Variants in DENND2A observed in about 807,000 individuals in gnomAD.
DENND2A encodes DENN domain-containing protein 2A.
In DENND2A, 53 loss-of-function variants were observed where a neutral mutation model predicts 105.3. The observed-to-expected ratio is 0.50, with a 90% CI of 0.40 to 0.63. The LOEUF (loss-of-function observed/expected upper bound fraction) is 0.63, where lower values mean the gene tolerates loss of function less well. Ranked by LOEUF, DENND2A falls within the 30% of genes least tolerant of loss-of-function variation. DENND2A has a pLI of 0.00. For missense variants in DENND2A, 1,138 were observed against 1,279.6 expected (o/e 0.89, Z 1.69); for synonymous variants, 522 against 508.4 (o/e 1.03, Z -0.36).
chr7:140,558,237 A>G, intron 10 of DENND2A, 25 bp from the exon 11 acceptor site: 1 of 1,596,762 alleles, frequency 6.3e-7, no homozygotes, highest in Non-Finnish European at 8.6e-7. Flanking sequence ...ACACAAATGT[A>G]TCATAAAGCA....
chr7:140,618,818 T>G (rs1403480597), intron 1 of DENND2A, among the ~76,000 whole-genome samples: 1 of 152,182 alleles, frequency 6.6e-6, no homozygotes, highest in Admixed American at 6.5e-5. Context: ...TTTTTTCTTT[T>G]TCTGAGACGG....
At chr7:140,570,906 C>G (rs1233631245) in intron 6 of DENND2A, among the ~76,000 whole-genome samples, 1 of 152,216 alleles carries the variant, frequency 6.6e-6, no homozygotes, top group African/African-American at 2.4e-5. Context: ...GCGTGAGAAG[C>G]TGGTGAGTGC....
Position 140,519,703 on chromosome 7 carries a change from C to G in DENND2A, c.2927G>C (p.Arg976Pro). The change falls in exon 19 of 20, where the codon CGA becomes CCA. Residue 976 changes from arginine (R) to proline (P), a missense_variant. Physicochemically the swap from Arg to Pro is moderately radical, Grantham distance 103 (BLOSUM62 -2). Transcript: ENST00000496613. ...RQDAKGLFEV[R>P]AQEYLETLPS... is the part of the protein sequence containing the mutation. Reference sequence around the variant, plus strand: ...GAGTGTTTCCAGATACTCTTGGGCTCGGACCTCAAACAGACCTGTTAACAA... The same window carrying G: ...GAGTGTTTCCAGATACTCTTGGGCTGGGACCTCAAACAGACCTGTTAACAA... 6.2e-7 allele frequency: 1 copy of G among 1,614,088 alleles called. No homozygotes were observed. Among genetic ancestry groups the G allele is most frequent in the Non-Finnish European group, 8.5e-7 (1 of 1,180,004 alleles).
At position 140,573,811 on chromosome 7, in the gene DENND2A, G is replaced by T. The variant is rs542601234; in HGVS notation, c.1443C>A (p.Pro481=). 10 of 1,613,308 alleles carry T rather than the reference G, an allele frequency of 6.2e-6. No individual in the cohort carries two copies. Among genetic ancestry groups the T allele is most frequent in the Admixed American group, 1.7e-5 (1 of 59,942 alleles). The change falls in exon 6 of 20, where the codon CCC becomes CCA. Residue 481 remains proline, a synonymous_variant. Coordinates refer to ENST00000496613, the MANE Select transcript of DENND2A (RefSeq NM_015689.5). ...PQNGRKKRKI[P]KLVLRINAIY... ...TGAAGCTTGTTGCCACCATTACCTT[G>T]GGTATCTTTCTCTTCTTCCTGCCGT...
intron 14 of DENND2A, among the ~76,000 whole-genome samples, chr7:140,532,750 T>C (rs1044487572): frequency 2.6e-5 from 4 of 152,088 alleles, no homozygotes; most frequent in African/African-American, 4.8e-5. Flanking sequence ...CCAGGCACAG[T>C]GGCATGTGCC....
At position 140,601,463 on chromosome 7, in the gene DENND2A, G is replaced by T. The variant is rs759258670; in HGVS notation, c.935C>A (p.Pro312Gln). 11 of 1,613,662 alleles carry T rather than the reference G, an allele frequency of 6.8e-6. No individual in the cohort carries two copies. Among genetic ancestry groups the T allele is most frequent in the South Asian group, 1.1e-5 (1 of 90,984 alleles). Residue 312 changes from proline to glutamine, a missense_variant, in exon 3 of 20, where the codon CCA becomes CAA. By Grantham distance (76) the Pro-to-Gln change is moderately conservative. Coordinates refer to ENST00000496613, the MANE Select transcript of DENND2A (RefSeq NM_015689.5). The stretch of plus-strand genomic sequence containing the variant: ...CAGTCTTCTGTTCACAGAGGAAGGT[G>T]GGGGAGAGGAGGGCAGAGGCGGGGG... ...LPPPPLPSSP[P>Q]PSSVNRRLWT...
chr7:140,553,907 AC>A (rs1256796137), intron 12 of DENND2A, among the ~76,000 whole-genome samples: 17 of 152,304 alleles, frequency 1.1e-4, no homozygotes, highest in African/African-American at 3.9e-4. Flanking sequence ...CTACACAGAC[AC>A]AGTAACAGTC....
intron 5 of DENND2A, among the ~76,000 whole-genome samples, chr7:140,584,876 G>A (rs575754677): frequency 7.2e-5 from 11 of 152,208 alleles, no homozygotes; most frequent in African/African-American, 2.4e-4. Flanking sequence ...AGACATGTGC[G>A]AGTTTACATG....
intron 7 of DENND2A, 29 bp downstream of exon 7, chr7:140,569,616 G>T (rs747001028): frequency 2.1e-6 from 3 of 1,454,416 alleles, no homozygotes; most frequent in Non-Finnish European, 9.7e-7. Context: ...CGATTCTTGC[G>T]GGAGGAGGGC....
intron 1 of DENND2A, among the ~76,000 whole-genome samples, chr7:140,612,782 A>G (rs1384537487): frequency 6.6e-6 from 1 of 151,634 alleles, no homozygotes; most frequent in Non-Finnish European, 1.5e-5. Flanking sequence ...GATTACAGGC[A>G]TGAGCCACTG....
intron 5 of DENND2A, among the ~76,000 whole-genome samples, chr7:140,580,254 T>C (rs1798483497): frequency 6.6e-6 from 1 of 152,100 alleles, no homozygotes; most frequent in South Asian, 2.1e-4. Context: ...CCAGAAAAAC[T>C]TTACAATTAC....
chr7:140,560,631 G>GA (rs957286067), intron 9 of DENND2A, among the ~76,000 whole-genome samples: 198 of 144,926 alleles, frequency 1.4e-3, no homozygotes, highest in Middle Eastern at 3.5e-3. Flanking sequence ...ACCTCTATGG[G>GA]AAAAAAAAAA....
At chr7:140,593,423 G>T (rs1201470017) in intron 3 of DENND2A, among the ~76,000 whole-genome samples, 1 of 152,194 alleles carries the variant, frequency 6.6e-6, no homozygotes, top group African/African-American at 2.4e-5. Context: ...TTGCTGAAGG[G>T]CGTTATAACC....
At chr7:140,586,716 G>A (rs1798799444) in intron 4 of DENND2A, among the ~76,000 whole-genome samples, 1 of 152,218 alleles carries the variant, frequency 6.6e-6, no homozygotes, top group Admixed American at 6.5e-5. Context: ...GAATCCCGCT[G>A]CTTTGGCAGG....
chr7:140,583,921 G>T (rs1418567770), intron 5 of DENND2A, among the ~76,000 whole-genome samples: 3 of 110,526 alleles, frequency 2.7e-5, no homozygotes, highest in Non-Finnish European at 3.3e-5. Context: ...GCAAGACTCC[G>T]TCTCGAAAAA....
intron 3 of DENND2A, among the ~76,000 whole-genome samples, chr7:140,592,918 C>T (rs1182439033): frequency 6.6e-6 from 1 of 152,102 alleles, no homozygotes; most frequent in African/African-American, 2.4e-5. Flanking sequence ...AGCATTATTT[C>T]TACAGCCTAC....
chr7:140,569,891 ATT>A (rs35641355), intron 6 of DENND2A, among the ~76,000 whole-genome samples, 153 bp from the exon 7 acceptor site: 11 of 147,776 alleles, frequency 7.4e-5, no homozygotes, highest in African/African-American at 1.2e-4. Context: ...TCTTTCAATC[ATT>A]TTTTTTTTTT....
At position 140,565,567 on chromosome 7, in the gene DENND2A, C is replaced by T. The variant is rs562471462; in HGVS notation, c.1779+1519G>A. Among the ~76,000 whole-genome samples the T allele has an allele frequency of 2.6e-4, 40 of 152,156 alleles. No homozygotes were observed. In the South Asian group the frequency reaches 6.8e-3, roughly 26 times the overall value. On this transcript the variant is annotated intron_variant, in intron 9 of 19. Coordinates refer to ENST00000496613, the MANE Select transcript of DENND2A (RefSeq NM_015689.5). ...TAAATTATTGCCATGTTGCTTCAGGCTATATTAAGTGCCATTTTATTTATT... is the reference window on the plus strand; with the variant it reads ...TAAATTATTGCCATGTTGCTTCAGGTTATATTAAGTGCCATTTTATTTATT...
intron 10 of DENND2A, among the ~76,000 whole-genome samples, chr7:140,558,472 G>A (rs1394066845): frequency 6.6e-6 from 1 of 152,062 alleles, no homozygotes; most frequent in Non-Finnish European, 1.5e-5. Context: ...GAGGCAGGTG[G>A]ATCACTTGAG....
Sources: gnomAD v4.1 joint callset for allele counts (sites outside exome capture counted in the v4.1 genomes callset) on GRCh38, gnomAD v4.1.1 for gene constraint, MANE v1.5 for transcripts, NCBI Gene and HGNC (gene_info 2026-07-23, HGNC 2026-07-21) for gene names.